The following ARHGAP10 variants were observed in gnomAD, a reference collection of about 807,000 sequenced individuals.
ARHGAP10 encodes Rho GTPase activating protein 10.
ARHGAP10 carries 87 observed loss-of-function variants against 108.6 expected under a neutral mutation model. The ratio of observed to expected loss-of-function variants is 0.80; its 90% CI spans 0.67 to 0.96. The LOEUF is 0.96. Ranked by LOEUF, ARHGAP10 falls within the 40% of genes least tolerant of loss-of-function variation. The probability of loss-of-function intolerance (pLI) is 0.00; values close to 1 mark genes in which losing one functional copy is unlikely to be tolerated. For synonymous variants in ARHGAP10, 347 were observed against 341.1 expected, an observed-to-expected ratio of 1.02 and a Z score of -0.19; for missense variants, 939 against 954.5, an observed-to-expected ratio of 0.98 and a Z score of 0.21.
At chr4:148,020,871 A>ACC (rs1741542724) in intron 18 of ARHGAP10, among the ~76,000 whole-genome samples, 1 of 152,188 alleles carries the variant, frequency 6.6e-6, no homozygotes, top group African/African-American at 2.4e-5. Flanking sequence ...TGGAGGAATC[A>ACC]CCACATTGTC....
chr4:147,970,264 G>C (rs753027767), intron 18 of ARHGAP10, among the ~76,000 whole-genome samples: 23 of 152,162 alleles, frequency 1.5e-4, no homozygotes, highest in Non-Finnish European at 1.3e-4. Context: ...GCTGACCTAA[G>C]TATACCCTTC....
At chr4:147,947,316 T>C (rs1738426010) in intron 15 of ARHGAP10, among the ~76,000 whole-genome samples, 1 of 147,884 alleles carries the variant, frequency 6.8e-6, no homozygotes, top group Admixed American at 6.9e-5. Context: ...TAAAAGAAAA[T>C]GAAAAAAGAT....
At chr4:147,968,317 G>A (rs1739280471) in intron 18 of ARHGAP10, among the ~76,000 whole-genome samples, 1 of 152,158 alleles carries the variant, frequency 6.6e-6, no homozygotes, top group South Asian at 2.1e-4. Flanking sequence ...CTGACTCATA[G>A]TTAAAAGTGT....
intron 18 of ARHGAP10, among the ~76,000 whole-genome samples, chr4:147,993,529 G>A (rs1740358850): frequency 6.6e-6 from 1 of 152,170 alleles, no homozygotes; most frequent in Non-Finnish European, 1.5e-5. Context: ...AAAAAAGCAT[G>A]TCATGCTTTC....
Position 147,857,564 on chromosome 4 carries a change from G to T in ARHGAP10, c.396G>T (p.Lys132Asn), listed in dbSNP as rs376938461. The change falls in exon 5 of 23, where the codon AAG becomes AAT. Residue 132 changes from lysine to asparagine, a missense_variant. Lys to Asn is a moderately conservative substitution (Grantham distance 94, BLOSUM62 0). Coordinates refer to ENST00000336498, the MANE Select transcript of ARHGAP10 (RefSeq NM_024605.4). ...TTTTTTATTTGTAGGAAGAAAAAAA[G>T]AAGTTTGACAAAGAGACAGAAAAGA... The part of the protein sequence containing the change: ...EQLGAVKEEK[K>N]KFDKETEKNY... 13 of 1,475,346 alleles carry T rather than the reference G, an allele frequency of 8.8e-6. No individual in the cohort carries two copies. The highest frequency in any genetic ancestry group is 1.5e-5 in the African/African-American group (1 of 68,642). The allele number at this position is 1,475,346 out of a possible 1,614,324, so 91.4% of individuals were successfully genotyped here.
chr4:148,015,108 T>A (rs184794932), intron 18 of ARHGAP10, among the ~76,000 whole-genome samples: 2 of 152,270 alleles, frequency 1.3e-5, no homozygotes, highest in Non-Finnish European at 1.5e-5. Flanking sequence ...GAGGGCCTCA[T>A]ACTGATAGGT....
chr4:148,055,012 T>A (rs902286506), intron 20 of ARHGAP10, among the ~76,000 whole-genome samples: 2 of 152,202 alleles, frequency 1.3e-5, no homozygotes, highest in African/African-American at 4.8e-5. Context: ...TTTTCTGAAA[T>A]GAAGTTACAG....
intron 22 of ARHGAP10, among the ~76,000 whole-genome samples, chr4:148,067,121 C>T (rs921679647): frequency 5.3e-5 from 8 of 152,200 alleles, no homozygotes; most frequent in South Asian, 2.1e-4. Context: ...GGGATGTGAG[C>T]GTCTCATTTA....
At chr4:147,914,740 C>T (rs1560824179) in intron 13 of ARHGAP10, among the ~76,000 whole-genome samples, 1 of 152,072 alleles carries the variant, frequency 6.6e-6, no homozygotes, top group African/African-American at 2.4e-5. Context: ...TGGATATAGA[C>T]CACAATTTGT....
At position 147,880,772 on chromosome 4, in the gene ARHGAP10, A is replaced by C. The variant is rs899249139; in HGVS notation, c.940-1066A>C. 2.0e-5 allele frequency among the ~76,000 whole-genome samples: 3 copies of C among 152,246 alleles called. No individual in the cohort carries two copies. The South Asian group carries it at 6.2e-4, about 31-fold the overall frequency. ...GAAATTGCATAGATTAAATGGTTCTAGCTTTAGATTATGAAAATATTTAAT... is the reference window on the plus strand; with the variant it reads ...GAAATTGCATAGATTAAATGGTTCTCGCTTTAGATTATGAAAATATTTAAT... On this transcript the variant is annotated intron_variant, in intron 9 of 22. Transcript: ENST00000336498.
chr4:147,822,995 C>G, intron 3 of ARHGAP10, 38 bp downstream of exon 3: 1 of 1,574,344 alleles, frequency 6.4e-7, no homozygotes, highest in Non-Finnish European at 8.7e-7. Flanking sequence ...AGTCAGCTTT[C>G]AAGGGGGAAA....
intron 1 of ARHGAP10, among the ~76,000 whole-genome samples, chr4:147,821,018 T>C (rs181276048): frequency 6.6e-6 from 1 of 152,318 alleles, no homozygotes; most frequent in Admixed American, 6.5e-5. Context: ...CACTGGGCAG[T>C]TACATGTCCC....
intron 18 of ARHGAP10, among the ~76,000 whole-genome samples, chr4:147,983,387 G>T (rs1042698091): frequency 6.6e-6 from 1 of 151,662 alleles, no homozygotes; most frequent in Non-Finnish European, 1.5e-5. Flanking sequence ...GGGTTTCACC[G>T]TGTTAGCCAG....
At chr4:147,758,989 A>T (rs1440969939) in intron 1 of ARHGAP10, among the ~76,000 whole-genome samples, 1 of 151,830 alleles carries the variant, frequency 6.6e-6, no homozygotes, top group Non-Finnish European at 1.5e-5. Flanking sequence ...AAAAAAAAAA[A>T]AACCGAAAAC....
rs541622398 is a variant in ARHGAP10, at chr4:147,871,838, C to T, written c.703-3183C>T. ...AATAGTGGCTGGGGATGGTGGCTCA[C>T]GCCTATAATCCCAGCACTTTGGGAC... On this transcript the variant is annotated intron_variant, in intron 7 of 22. Transcript: ENST00000336498. Among the ~76,000 whole-genome samples, 9 of 152,162 alleles carry T rather than the reference C, an allele frequency of 5.9e-5. No individual in the cohort carries two copies. The South Asian group carries it at 1.0e-3, about 18-fold the overall frequency.
chr4:147,898,814 GAGAA>G (rs1260899019), intron 10 of ARHGAP10, among the ~76,000 whole-genome samples: 1 of 144,962 alleles, frequency 6.9e-6, no homozygotes, highest in Non-Finnish European at 1.5e-5. Context: ...TATCTTTAGA[GAGAA>G]AGAGAGATGG....
chr4:147,954,370 G>T (rs1017925456), intron 15 of ARHGAP10, among the ~76,000 whole-genome samples: 1 of 151,830 alleles, frequency 6.6e-6, no homozygotes, highest in African/African-American at 2.4e-5. Flanking sequence ...GTGTTTTGGG[G>T]CTCTCTTATT....
intron 3 of ARHGAP10, among the ~76,000 whole-genome samples, chr4:147,830,447 T>A (rs1732904480): frequency 6.6e-6 from 1 of 152,042 alleles, no homozygotes; most frequent in South Asian, 2.1e-4. Flanking sequence ...TCCAAACTAT[T>A]AGGTTGGTAC....
At chr4:147,998,518 TC>T (rs1740566383) in intron 18 of ARHGAP10, among the ~76,000 whole-genome samples, 2 of 152,388 alleles carry the variant, frequency 1.3e-5, no homozygotes, top group East Asian at 3.9e-4. Context: ...TAATGCCAAG[TC>T]TGTGAAAGAT....
Sources: allele counts gnomAD v4.1 joint callset (sites outside exome capture counted in the v4.1 genomes callset), GRCh38; gene constraint gnomAD v4.1.1; transcripts MANE v1.5; gene names NCBI Gene and HGNC (gene_info 2026-07-23, HGNC 2026-07-21).